GPHN: variants seen among roughly 807,000 people sequenced by gnomAD.
GPHN encodes the protein gephyrin.
Under a neutral mutation model 95.5 loss-of-function variants are expected in GPHN, and 17 were observed. The ratio of observed to expected loss-of-function variants is 0.18; its 90% CI spans 0.12 to 0.27. The LOEUF is 0.27. Among genes scored for constraint, GPHN ranks in the 10% least tolerant of loss-of-function variants. GPHN has a pLI of 1.00. For missense variants in GPHN, 660 were observed against 978.1 expected (o/e 0.67, Z 4.34); for synonymous variants, 320 against 322.5 (o/e 0.99, Z 0.08).
chr14:67,553,140 CAG>C, the GPHN span, among the ~76,000 whole-genome samples: 7,211 of 152,228 alleles, frequency 0.047, 264 homozygotes, highest in Non-Finnish European at 0.067. Flanking sequence ...CAGATGAAGT[CAG>C]AAAATATCAG....
intron 1 of GPHN, among the ~76,000 whole-genome samples, chr14:66,597,221 A>G (rs1267871982): frequency 6.6e-6 from 1 of 152,216 alleles, no homozygotes; most frequent in Non-Finnish European, 1.5e-5. Flanking sequence ...GACATGGATC[A>G]AAACAAAACA....
chr14:66,866,263 TC>T (rs200180117), intron 4 of GPHN, among the ~76,000 whole-genome samples: 1,835 of 151,578 alleles, frequency 0.012, 19 homozygotes, highest in Non-Finnish European at 0.018. Flanking sequence ...AATGAGTAAC[TC>T]TTTTTTTTAA....
intron 2 of GPHN, among the ~76,000 whole-genome samples, chr14:66,682,254 C>G (rs570579293): frequency 6.6e-6 from 1 of 152,254 alleles, no homozygotes; most frequent in African/African-American, 2.4e-5. Flanking sequence ...AAATATTCCT[C>G]CTCCTTGATT....
chr14:67,581,955 T>C, the GPHN span: 4 of 1,034,566 alleles, frequency 3.9e-6, no homozygotes, highest in Non-Finnish European at 5.6e-6. Flanking sequence ...GGCTCATAAA[T>C]AGTGGGAAAA....
intron 1 of GPHN, among the ~76,000 whole-genome samples, chr14:66,623,523 C>T (rs1195619557): frequency 1.3e-5 from 2 of 150,266 alleles, no homozygotes; most frequent in Non-Finnish European, 2.9e-5. Context: ...GATGCTGAGG[C>T]ACGAGAATCA....
chr14:67,584,792 A>G, the GPHN span, among the ~76,000 whole-genome samples: 1 of 152,252 alleles, frequency 6.6e-6, no homozygotes, highest in Admixed American at 6.5e-5. Context: ...CAGGAGATGT[A>G]TATTCATCAA....
chr14:67,347,654 C>T, the GPHN span, among the ~76,000 whole-genome samples: 38 of 152,032 alleles, frequency 2.5e-4, no homozygotes, highest in African/African-American at 9.2e-4. Context: ...GCATGCACCA[C>T]CACACCCGGC....
the GPHN span, among the ~76,000 whole-genome samples, chr14:67,508,196 C>T: frequency 4.8e-3 from 725 of 151,928 alleles, 6 homozygotes; most frequent in African/African-American, 0.017. Flanking sequence ...GGACTTCCTC[C>T]AGCTCTGACT....
chr14:66,987,888 A>C (rs1279643436), intron 9 of GPHN, among the ~76,000 whole-genome samples: 2 of 152,140 alleles, frequency 1.3e-5, no homozygotes, highest in African/African-American at 4.8e-5. Flanking sequence ...GAAAACCGAA[A>C]AGAGAACAAG....
At chr14:67,648,238 T>G in the GPHN span, 2 of 1,546,236 alleles carry the variant, frequency 1.3e-6, no homozygotes, top group East Asian at 4.6e-5. Context: ...TATGCTAGAG[T>G]CTCTTGCCTG....
At chr14:67,616,106 G>T in the GPHN span, 1 of 276,080 alleles carries the variant, frequency 3.6e-6, no homozygotes, top group Non-Finnish European at 7.4e-6. Context: ...AAGTTCGAGT[G>T]CAGTTTTTTT....
chr14:66,771,509 A>G (rs942826245), intron 2 of GPHN, among the ~76,000 whole-genome samples: 3 of 152,222 alleles, frequency 2.0e-5, no homozygotes, highest in Admixed American at 1.3e-4. Context: ...AGAATAGAAT[A>G]TAGCCAGAAA....
chr14:67,083,813 A>T (rs1251772578), intron 11 of GPHN, among the ~76,000 whole-genome samples: 2 of 152,132 alleles, frequency 1.3e-5, no homozygotes, highest in Admixed American at 6.6e-5. Flanking sequence ...TTGGCTAGAG[A>T]GGGGGTACAG....
intron 4 of GPHN, among the ~76,000 whole-genome samples, chr14:66,845,547 A>G (rs2062284923): frequency 6.6e-6 from 1 of 152,164 alleles, no homozygotes; most frequent in Admixed American, 6.6e-5. Flanking sequence ...ACATCTTTGA[A>G]ATGGAATAAT....
At chr14:66,585,856 A>G (rs1413156211) in intron 1 of GPHN, among the ~76,000 whole-genome samples, 9 of 151,992 alleles carry the variant, frequency 5.9e-5, no homozygotes, top group African/African-American at 1.9e-4. Flanking sequence ...TGAGAAGAAT[A>G]TATATTCTGT....
intron 2 of GPHN, among the ~76,000 whole-genome samples, chr14:66,749,131 C>A (rs1172346238): frequency 6.6e-6 from 1 of 151,828 alleles, no homozygotes; most frequent in East Asian, 1.9e-4. Context: ...AGATAGGCTT[C>A]TTTTAGTTAG....
the GPHN span, chr14:67,221,687 A>G: frequency 6.4e-7 from 1 of 1,554,736 alleles, no homozygotes; most frequent in South Asian, 1.2e-5. Context: ...GAGCATTTAA[A>G]GAATGACCGG....
chr14:67,359,602 A>T, the GPHN span: 1 of 1,602,258 alleles, frequency 6.2e-7, no homozygotes, highest in Non-Finnish European at 8.5e-7. Flanking sequence ...GTCTGAAGGG[A>T]CCGCGCTCCG....
At chr14:67,445,803 T>C in the GPHN span, among the ~76,000 whole-genome samples, 47,198 of 151,334 alleles carry the variant, frequency 0.31, 7,581 homozygotes, top group Middle Eastern at 0.39. Flanking sequence ...CCCAGACTGG[T>C]CTTGAACTCC....
Sources: gnomAD v4.1 joint callset for allele counts (sites outside exome capture counted in the v4.1 genomes callset) on GRCh38, gnomAD v4.1.1 for gene constraint, MANE v1.5 for transcripts, NCBI Gene and HGNC (gene_info 2026-07-23, HGNC 2026-07-21) for gene names.